The following PDE10A variants were observed in gnomAD, a reference collection of about 807,000 sequenced individuals.
PDE10A encodes cAMP and cAMP-inhibited cGMP 3',5'-cyclic phosphodiesterase 10A.
A neutral mutation model predicts 97.7 loss-of-function variants in PDE10A; 39 were observed. That is an observed-to-expected ratio of 0.40 (90% CI 0.31 to 0.52). PDE10A has a LOEUF of 0.52. Among genes scored for constraint, PDE10A ranks in the 20% least tolerant of loss-of-function variants. PDE10A has a pLI of 0.56. For missense variants in PDE10A, 731 were observed against 1,047.8 expected (o/e 0.70, Z 4.17); for synonymous variants, 371 against 376.8 (o/e 0.98, Z 0.18).
chr6:165,673,615 A>T (rs1459501690), intron 1 of PDE10A, among the ~76,000 whole-genome samples: 3 of 152,112 alleles, frequency 2.0e-5, no homozygotes, highest in African/African-American at 7.2e-5. Context: ...CTTATTTTAC[A>T]TGTTAGTTTT....
At chr6:165,800,083 C>T (rs1778943033) in intron 1 of PDE10A, among the ~76,000 whole-genome samples, 1 of 152,196 alleles carries the variant, frequency 6.6e-6, no homozygotes, top group African/African-American at 2.4e-5. Flanking sequence ...CCCGTGGCAC[C>T]TTCTTTCTGA....
chr6:165,714,270 C>A (rs971411906), intron 1 of PDE10A, among the ~76,000 whole-genome samples: 7 of 152,196 alleles, frequency 4.6e-5, no homozygotes, highest in Non-Finnish European at 8.8e-5. Context: ...CCGATGGGAG[C>A]CTGCAGAGGG....
chr6:165,674,165 G>C (rs2128437354), intron 1 of PDE10A, among the ~76,000 whole-genome samples: 1 of 152,090 alleles, frequency 6.6e-6, no homozygotes, highest in South Asian at 2.1e-4. Context: ...AGTTCCCTTG[G>C]ACAAAATATA....
At chr6:165,635,540 C>T (rs989785366) in intron 1 of PDE10A, among the ~76,000 whole-genome samples, 2 of 152,140 alleles carry the variant, frequency 1.3e-5, no homozygotes. Flanking sequence ...TGGAATTACG[C>T]TATCCAAGCA....
intron 1 of PDE10A, among the ~76,000 whole-genome samples, chr6:165,783,941 C>T (rs538713826): frequency 1.5e-4 from 23 of 152,198 alleles, no homozygotes; most frequent in South Asian, 6.2e-4. Flanking sequence ...CTGCCTTGGC[C>T]GGGCGCGGTG....
chr6:165,610,374 A>G (rs1256994858), intron 1 of PDE10A, among the ~76,000 whole-genome samples: 5 of 152,066 alleles, frequency 3.3e-5, no homozygotes, highest in Non-Finnish European at 5.9e-5. Context: ...TACTAAAAAT[A>G]CAAAAAACTA....
chr6:165,816,139 C>CG (rs1779403083), intron 1 of PDE10A, among the ~76,000 whole-genome samples: 1 of 151,966 alleles, frequency 6.6e-6, no homozygotes, highest in African/African-American at 2.4e-5. Flanking sequence ...TTAGTGGAGA[C>CG]GGGGTTTCAC....
Position 165,661,977 on chromosome 6 carries a change from G to A in PDE10A, c.835C>T (p.Arg279Ter). 2.4e-6 allele frequency: 3 copies of A among 1,272,786 alleles called. No individual in the cohort carries two copies. The highest frequency in any genetic ancestry group is 3.3e-6 in the Non-Finnish European group (3 of 898,354). 78.8% of individuals were successfully genotyped at this position (1,272,786 alleles called of 1,614,324 possible). Residue 279 changes from arginine to a stop codon, truncating the protein, a stop_gained, in exon 1 of 22, where the codon CGA (arginine) becomes TGA (stop). Transcript: ENST00000539869. LOFTEE classifies it high-confidence loss of function. This position sits in a 1 kb window ranked among gnomAD's most constrained non-coding sequence, Gnocchi z 4.8. ...DGPSNNASCFRRLTECFLSPS... is the reference protein window; with the variant it reads ...DGPSNNASCF ...CTCAGGAAGCACTCGGTCAGCCTTC[G>A]GAAGCAGCTCGCATTATTAGAAGGT... is the stretch of plus-strand genomic sequence containing the variant.
At chr6:165,334,037 G>A (rs1781493581) in intron 21 of PDE10A, among the ~76,000 whole-genome samples, 1 of 152,192 alleles carries the variant, frequency 6.6e-6, no homozygotes, top group African/African-American at 2.4e-5. Context: ...ATATCATCAA[G>A]TATTATTTTT....
At chr6:165,701,841 G>A (rs1442715917) in intron 1 of PDE10A, among the ~76,000 whole-genome samples, 2 of 152,108 alleles carry the variant, frequency 1.3e-5, no homozygotes, top group Non-Finnish European at 2.9e-5. Context: ...TGTGTCTGGA[G>A]TGGGGGTTAG....
intron 1 of PDE10A, chr6:165,545,160 C>CA (rs747357761): frequency 2.0e-6 from 1 of 500,372 alleles, no homozygotes; most frequent in Non-Finnish European, 3.9e-6. Flanking sequence ...CTGCCACTCC[C>CA]ATGACACAAG....
intron 18 of PDE10A, among the ~76,000 whole-genome samples, chr6:165,374,086 G>C (rs1488454294): frequency 1.2e-4 from 13 of 111,354 alleles, no homozygotes; most frequent in African/African-American, 4.4e-4. Flanking sequence ...GTTGTGGGGT[G>C]GGGGGAGGGG....
chr6:165,418,321 G>A lies in PDE10A; in HGVS notation c.1796+314C>T, dbSNP rs1788466171. On this transcript the variant is annotated intron_variant, in intron 11 of 21. Coordinates refer to ENST00000539869, the MANE Select transcript of PDE10A (RefSeq NM_001385079.1). This position sits in a 1 kb window ranked among gnomAD's most constrained non-coding sequence, Gnocchi z 4.8. ...TTTTCTCTTGGACATGGGAAAACCT[G>A]CAGATTCCAGGTGGAGTGTACCTTT... 6.6e-6 allele frequency among the ~76,000 whole-genome samples: 1 copy of A among 152,174 alleles called. No individual in the cohort carries two copies.
At chr6:165,839,831 CGTCT>C (rs1780175401) in intron 1 of PDE10A, among the ~76,000 whole-genome samples, 1 of 151,830 alleles carries the variant, frequency 6.6e-6, no homozygotes, top group Non-Finnish European at 1.5e-5. Context: ...TCTCCAATCT[CGTCT>C]CCATTCTTAT....
intron 5 of PDE10A, among the ~76,000 whole-genome samples, chr6:165,437,880 T>C (rs2128241493): frequency 6.6e-6 from 1 of 152,336 alleles, no homozygotes; most frequent in Admixed American, 6.5e-5. Flanking sequence ...AAAGCTCCTT[T>C]TTAATATCCA....
chr6:165,703,109 G>A (rs1791621524), intron 1 of PDE10A, among the ~76,000 whole-genome samples: 1 of 152,212 alleles, frequency 6.6e-6, no homozygotes, highest in African/African-American at 2.4e-5. Context: ...GCTGCGCTGT[G>A]TTGCAAAGGC....
intron 1 of PDE10A, among the ~76,000 whole-genome samples, chr6:165,552,628 T>C (rs1583525675): frequency 6.6e-6 from 1 of 152,308 alleles, no homozygotes; most frequent in East Asian, 1.9e-4. Flanking sequence ...GCTGGAGGAA[T>C]GAAGGTATCC....
intron 1 of PDE10A, among the ~76,000 whole-genome samples, chr6:165,863,516 T>C (rs1031648588): frequency 1.3e-5 from 2 of 152,256 alleles, no homozygotes; most frequent in African/African-American, 4.8e-5. Context: ...AAGCAAAATA[T>C]ACCAACCACC....
intron 2 of PDE10A, 147 bp from the exon 3 acceptor site, chr6:165,482,490 T>A: frequency 1.5e-6 from 1 of 684,580 alleles, no homozygotes; most frequent in South Asian, 1.6e-5. Context: ...TTTTTTAAAC[T>A]GTAAAGGTTG....
Sources: gnomAD v4.1 joint callset for allele counts (sites outside exome capture counted in the v4.1 genomes callset) on GRCh38, gnomAD v4.1.1 for gene constraint, Gnocchi (gnomAD v3.1) non-coding constraint, MANE v1.5 for transcripts, NCBI Gene and HGNC (gene_info 2026-07-23, HGNC 2026-07-21) for gene names.